The following SCAPER variants were observed in gnomAD, a reference collection of about 807,000 sequenced individuals.
SCAPER encodes S-phase cyclin A associated protein in the ER.
Under a neutral mutation model 182.2 loss-of-function variants are expected in SCAPER, and 98 were observed. The ratio of observed to expected loss-of-function variants is 0.54; its 90% CI spans 0.46 to 0.64. The LOEUF (loss-of-function observed/expected upper bound fraction) is 0.64, where lower values mean the gene tolerates loss of function less well. Ranked by LOEUF, SCAPER falls within the 30% of genes least tolerant of loss-of-function variation. SCAPER has a pLI of 0.00. For synonymous variants in SCAPER, 605 were observed against 564.6 expected (o/e 1.07, Z -1.01); for missense variants, 1,432 against 1,690.0 (o/e 0.85, Z 2.68).
At chr15:76,615,217 G>A (rs187241170) in intron 22 of SCAPER, among the ~76,000 whole-genome samples, 9 of 151,950 alleles carry the variant, frequency 5.9e-5, no homozygotes, top group Non-Finnish European at 1.2e-4. Flanking sequence ...GCTGAGGGGG[G>A]GCGGATTGCT....
chr15:76,537,248 CCGCAT>C (rs1222560291), intron 23 of SCAPER, among the ~76,000 whole-genome samples: 1 of 150,338 alleles, frequency 6.7e-6, no homozygotes, highest in Non-Finnish European at 1.5e-5. Context: ...AAAAAAGAGC[CCGCAT>C]CGCCAAGGCA....
intron 15 of SCAPER, among the ~76,000 whole-genome samples, chr15:76,740,739 G>T (rs952580825): frequency 2.0e-5 from 3 of 151,802 alleles, no homozygotes; most frequent in African/African-American, 7.3e-5. Context: ...CAAACCAAAA[G>T]ATAAAACAAC....
intron 25 of SCAPER, among the ~76,000 whole-genome samples, chr15:76,467,179 C>A (rs1478524783): frequency 6.6e-6 from 1 of 152,154 alleles, no homozygotes; most frequent in Non-Finnish European, 1.5e-5. Flanking sequence ...GTCAATTAAA[C>A]CTCTTTCTTT....
chr15:76,621,230 T>A (rs1351160256), intron 22 of SCAPER, among the ~76,000 whole-genome samples: 1 of 152,216 alleles, frequency 6.6e-6, no homozygotes, highest in Non-Finnish European at 1.5e-5. Flanking sequence ...AACAAAATGA[T>A]GATGCCTTTG....
chr15:76,755,798 T>C (rs569389568), intron 14 of SCAPER, among the ~76,000 whole-genome samples: 1 of 152,296 alleles, frequency 6.6e-6, no homozygotes, highest in South Asian at 2.1e-4. Flanking sequence ...TCACTGGCCA[T>C]GTCATGAAGA....
chr15:76,665,826 T>C (rs919896670), intron 20 of SCAPER, 37 bp from the exon 21 acceptor site: 3 of 1,439,736 alleles, frequency 2.1e-6, no homozygotes, highest in African/African-American at 2.9e-5. Context: ...ATAATGAGGA[T>C]GATCATTTAA....
chr15:76,508,932 T>A (rs2041813981), intron 23 of SCAPER, among the ~76,000 whole-genome samples: 1 of 152,162 alleles, frequency 6.6e-6, no homozygotes, highest in Non-Finnish European at 1.5e-5. Flanking sequence ...ATATAGTATG[T>A]ATAAATATTT....
chr15:76,459,062 TTC>T (rs1403567672), intron 25 of SCAPER, among the ~76,000 whole-genome samples: 2 of 151,922 alleles, frequency 1.3e-5, no homozygotes, highest in African/African-American at 4.8e-5. Context: ...GCCTGGCAAA[TTC>T]TTTTTTATTT....
At chr15:76,832,074 A>C (rs2068536658) in intron 5 of SCAPER, among the ~76,000 whole-genome samples, 1 of 152,228 alleles carries the variant, frequency 6.6e-6, no homozygotes, top group Non-Finnish European at 1.5e-5. Context: ...CAATTCTCAA[A>C]CCAGAGTATC....
chr15:76,850,872 A>AG (rs1229080170), intron 4 of SCAPER, among the ~76,000 whole-genome samples: 2 of 151,550 alleles, frequency 1.3e-5, no homozygotes, highest in Admixed American at 6.6e-5. Context: ...AAAAAAAAAA[A>AG]AAAAAGAAAA....
intron 25 of SCAPER, among the ~76,000 whole-genome samples, chr15:76,453,702 A>G (rs999910756): frequency 1.3e-5 from 2 of 152,192 alleles, no homozygotes; most frequent in African/African-American, 2.4e-5. Context: ...TTTGCAATTA[A>G]TAACAATTTT....
chr15:76,376,461 G>A (rs1041596983), intron 28 of SCAPER, 150 bp from the exon 29 acceptor site: 1 of 885,810 alleles, frequency 1.1e-6, no homozygotes, highest in African/African-American at 1.7e-5. Flanking sequence ...TTTAGTTTAG[G>A]GGTTCTTGTT....
intron 5 of SCAPER, among the ~76,000 whole-genome samples, chr15:76,826,772 G>A (rs1448378566): frequency 1.3e-5 from 2 of 152,168 alleles, no homozygotes; most frequent in Non-Finnish European, 1.5e-5. Flanking sequence ...AGTGCATGTT[G>A]TAATATTCAT....
Position 76,712,666 on chromosome 15 carries a change from T to G in SCAPER, c.2166-6682A>C, listed in dbSNP as rs542083299. ...AGAGGTCCTTCACATCCCTTGTAAG[T>G]TGGATTCCTAGGTATTTTATTCTCT... On this transcript the variant is annotated intron_variant, in intron 17 of 31. Coordinates refer to ENST00000563290, the MANE Select transcript of SCAPER (RefSeq NM_020843.4). Among the ~76,000 whole-genome samples, 29 of 152,214 alleles carry G rather than the reference T, an allele frequency of 1.9e-4. No homozygotes were observed. In the East Asian group the frequency reaches 3.7e-3, roughly 19 times the overall value.
At chr15:76,405,662 G>T (rs2044776312) in intron 26 of SCAPER, among the ~76,000 whole-genome samples, 1 of 152,140 alleles carries the variant, frequency 6.6e-6, no homozygotes, top group Non-Finnish European at 1.5e-5. Flanking sequence ...TCATTGAAAA[G>T]AATATTTTAA....
chr15:76,639,254 T>C (rs781409386), intron 21 of SCAPER, among the ~76,000 whole-genome samples: 5 of 152,188 alleles, frequency 3.3e-5, no homozygotes, highest in East Asian at 1.9e-4. Flanking sequence ...CCATTGTTGA[T>C]TGGGCTCCTA....
intron 29 of SCAPER, among the ~76,000 whole-genome samples, chr15:76,366,421 T>C (rs964761260): frequency 1.3e-5 from 2 of 152,220 alleles, no homozygotes; most frequent in Non-Finnish European, 2.9e-5. Context: ...TCTCCAGCAC[T>C]AGTCTATGAC....
chr15:76,819,697 C>T (rs1267250900), intron 5 of SCAPER, among the ~76,000 whole-genome samples: 2 of 152,172 alleles, frequency 1.3e-5, no homozygotes, highest in East Asian at 1.9e-4. Flanking sequence ...TCCAAAGGAA[C>T]GCAGCTCCTC....
intron 23 of SCAPER, among the ~76,000 whole-genome samples, chr15:76,505,472 T>C (rs1254331359): frequency 1.3e-5 from 2 of 152,182 alleles, no homozygotes; most frequent in African/African-American, 4.8e-5. Flanking sequence ...GACATACAGA[T>C]GGCAAACAGG....
Sources: allele counts gnomAD v4.1 joint callset (sites outside exome capture counted in the v4.1 genomes callset), GRCh38; gene constraint gnomAD v4.1.1; transcripts MANE v1.5; gene names NCBI Gene and HGNC (gene_info 2026-07-23, HGNC 2026-07-21).